EPHA3: variants seen among roughly 807,000 people sequenced by gnomAD.
EPHA3 encodes the protein EPH receptor A3, also known as ephrin type-A receptor 3.
A neutral mutation model predicts 107.1 loss-of-function variants in EPHA3; 42 were observed. The ratio of observed to expected loss-of-function variants is 0.39; its 90% CI spans 0.31 to 0.51. The LOEUF (loss-of-function observed/expected upper bound fraction) is 0.51, where lower values mean the gene tolerates loss of function less well. EPHA3 is among the 20% of genes least tolerant of loss of function. EPHA3 has a pLI of 0.78. For synonymous variants in EPHA3, 461 were observed against 424.8 expected, an observed-to-expected ratio of 1.09 and a Z score of -1.05; for missense variants, 1,183 against 1,211.2, an observed-to-expected ratio of 0.98 and a Z score of 0.35.
chr3:89,134,999 A>G (rs1704282015), intron 2 of EPHA3, among the ~76,000 whole-genome samples: 1 of 152,220 alleles, frequency 6.6e-6, no homozygotes, highest in Non-Finnish European at 1.5e-5. Flanking sequence ...ATGTATTCCA[A>G]TATCAAATGG....
At chr3:89,347,826 A>G (rs1241470542) in intron 5 of EPHA3, among the ~76,000 whole-genome samples, 9 of 150,898 alleles carry the variant, frequency 6.0e-5, no homozygotes, top group Non-Finnish European at 8.9e-5. Context: ...TAGCATGAAG[A>G]GTTGTTGAAT....
chr3:89,431,773 T>A (rs371153582), intron 13 of EPHA3, among the ~76,000 whole-genome samples: 38 of 152,308 alleles, frequency 2.5e-4, no homozygotes, highest in African/African-American at 8.9e-4. Flanking sequence ...CTATTTATAC[T>A]GTAAAAATGT....
intron 3 of EPHA3, among the ~76,000 whole-genome samples, chr3:89,251,854 T>C (rs534327975): frequency 3.3e-5 from 5 of 152,130 alleles, no homozygotes; most frequent in Non-Finnish European, 5.9e-5. Flanking sequence ...TAGAAAAATA[T>C]AATGAGGCAT....
intron 5 of EPHA3, among the ~76,000 whole-genome samples, chr3:89,343,849 ATGCTT>A (rs1707586017): frequency 6.6e-6 from 1 of 152,170 alleles, no homozygotes; most frequent in Admixed American, 6.6e-5. Context: ...CAACCAGTAT[ATGCTT>A]TGCTTTGCTT....
chr3:89,151,786 T>C (rs562697243), intron 2 of EPHA3, among the ~76,000 whole-genome samples: 1 of 152,096 alleles, frequency 6.6e-6, no homozygotes, highest in South Asian at 2.1e-4. Context: ...ATAATAGAAA[T>C]AATAGAAATA....
At chr3:89,155,835 C>T (rs1339797987) in intron 2 of EPHA3, among the ~76,000 whole-genome samples, 2 of 151,984 alleles carry the variant, frequency 1.3e-5, no homozygotes. Flanking sequence ...AAACATTGAA[C>T]AGATTCATGC....
At chr3:89,395,629 A>G (rs981449629) in intron 5 of EPHA3, among the ~76,000 whole-genome samples, 5 of 152,222 alleles carry the variant, frequency 3.3e-5, no homozygotes, top group Admixed American at 6.5e-5. Context: ...TGCATGTACC[A>G]GGGCTATAAT....
intron 3 of EPHA3, among the ~76,000 whole-genome samples, chr3:89,257,988 C>A (rs1705325490): frequency 6.6e-6 from 1 of 152,134 alleles, no homozygotes; most frequent in African/African-American, 2.4e-5. Context: ...AATAAACTAT[C>A]TTTAAAAGCG....
intron 3 of EPHA3, among the ~76,000 whole-genome samples, chr3:89,232,171 G>A (rs1346837517): frequency 1.3e-5 from 2 of 152,006 alleles, no homozygotes; most frequent in Non-Finnish European, 2.9e-5. Flanking sequence ...TAAGGCTTGA[G>A]AGACTAAAAT....
chr3:89,271,636 C>T (rs35971332), intron 3 of EPHA3, among the ~76,000 whole-genome samples: 21,548 of 151,280 alleles, frequency 0.14, 1,662 homozygotes, highest in African/African-American at 0.21. Flanking sequence ...ATACCGATAG[C>T]TGATGGTTGA....
intron 11 of EPHA3, among the ~76,000 whole-genome samples, chr3:89,421,458 T>C (rs1333681735): frequency 6.6e-6 from 1 of 151,244 alleles, no homozygotes; most frequent in African/African-American, 2.4e-5. Context: ...TGCATTTAAA[T>C]AACTACTTCT....
chr3:89,184,182 T>G (rs1430478208), intron 2 of EPHA3, among the ~76,000 whole-genome samples: 1 of 152,016 alleles, frequency 6.6e-6, no homozygotes, highest in Admixed American at 6.6e-5. Context: ...AGATAGAAAT[T>G]GAAAGAAACC....
intron 3 of EPHA3, among the ~76,000 whole-genome samples, chr3:89,223,814 C>T (rs897476061): frequency 1.3e-5 from 2 of 151,734 alleles, no homozygotes; most frequent in African/African-American, 2.4e-5. Context: ...GAGAGAAAAT[C>T]GTATAATAAA....
chr3:89,135,417 G>A (rs1704289948), intron 2 of EPHA3, among the ~76,000 whole-genome samples: 1 of 152,028 alleles, frequency 6.6e-6, no homozygotes, highest in Admixed American at 6.6e-5. Flanking sequence ...TTAACTCTCA[G>A]CATTTACAGT....
chr3:89,241,621 C>T (rs1424020831), intron 3 of EPHA3, among the ~76,000 whole-genome samples: 1 of 152,018 alleles, frequency 6.6e-6, no homozygotes, highest in East Asian at 1.9e-4. Context: ...CTCATAACAA[C>T]TCTCATTGAC....
intron 15 of EPHA3, among the ~76,000 whole-genome samples, chr3:89,466,540 G>T (rs563907850): frequency 7.5e-6 from 1 of 133,466 alleles, no homozygotes; most frequent in African/African-American, 2.9e-5. Context: ...GTGGTGCGCC[G>T]TTTCTTAAGC....
At chr3:89,471,739 G>GTA (rs1710407440) in intron 15 of EPHA3, among the ~76,000 whole-genome samples, 1 of 151,914 alleles carries the variant, frequency 6.6e-6, no homozygotes, top group Non-Finnish European at 1.5e-5. Context: ...GTGTGTGTGT[G>GTA]TGTATGTGTG....
chr3:89,160,599 C>A (rs1704912259), intron 2 of EPHA3, among the ~76,000 whole-genome samples: 1 of 139,758 alleles, frequency 7.2e-6, no homozygotes, highest in Admixed American at 7.7e-5. Context: ...TGCGCGCATT[C>A]TTTTTCTGTG....
Position 89,208,399 on chromosome 3 carries a change from A to AAAGGGAGGAAGGAAGGAAGG in EPHA3, c.154-1457_154-1456insGAGGAAGGAAGGAAGGAAGG, listed in dbSNP as rs1706164486. 7.4e-5 allele frequency among the ~76,000 whole-genome samples: 2 copies of AAAGGGAGGAAGGAAGGAAGG among 26,908 alleles called. 1 individual carries two copies. The highest frequency in any genetic ancestry group is 3.7e-4 in the African/African-American group (2 of 5,360). The allele number at this position is 26,908 out of a possible 152,430, so 17.7% of individuals were successfully genotyped here. ...AAAAAAAAAAGAAAAGAAAGAAAGA[A>AAAGGGAGGAAGGAAGGAAGG]AAGGAAGGAAGGAAGGAAGGAAGGA... On this transcript the variant is annotated intron_variant, in intron 2 of 16. Transcript: ENST00000336596.
Sources: gnomAD v4.1 joint callset for allele counts (sites outside exome capture counted in the v4.1 genomes callset) on GRCh38, gnomAD v4.1.1 for gene constraint, MANE v1.5 for transcripts, NCBI Gene and HGNC (gene_info 2026-07-23, HGNC 2026-07-21) for gene names.